The following FAT3 variants were observed in gnomAD, a reference collection of about 807,000 sequenced individuals.
FAT3 encodes FAT atypical cadherin 3.
In FAT3, 95 loss-of-function variants were observed where a neutral mutation model predicts 310.2. The ratio of observed to expected loss-of-function variants is 0.31; its 90% CI spans 0.26 to 0.36. The LOEUF (loss-of-function observed/expected upper bound fraction) is 0.36, where lower values mean the gene tolerates loss of function less well. FAT3 is among the 10% of genes least tolerant of loss of function. The probability of loss-of-function intolerance (pLI) is 1.00; values close to 1 mark genes in which losing one functional copy is unlikely to be tolerated. For missense variants in FAT3, 5,408 were observed against 5,715.6 expected (o/e 0.95, Z 1.74); for synonymous variants, 2,314 against 2,192.9 (o/e 1.06, Z -1.54).
At chr11:92,254,632 A>G (rs1467087081) in intron 1 of FAT3, among the ~76,000 whole-genome samples, 2 of 152,102 alleles carry the variant, frequency 1.3e-5, no homozygotes, top group Non-Finnish European at 2.9e-5. Context: ...TACCCTATGG[A>G]AATTTTACTC....
At chr11:92,784,248 C>T (rs1161743340) in intron 7 of FAT3, among the ~76,000 whole-genome samples, 2 of 152,204 alleles carry the variant, frequency 1.3e-5, no homozygotes, top group African/African-American at 4.8e-5. Flanking sequence ...AAAACAAGTA[C>T]AAGCTGATGT....
intron 3 of FAT3, among the ~76,000 whole-genome samples, chr11:92,628,023 C>G (rs182669312): frequency 2.0e-5 from 3 of 152,278 alleles, no homozygotes; most frequent in African/African-American, 7.2e-5. Flanking sequence ...CCACCATTTC[C>G]TCATTTGACA....
At chr11:92,746,187 A>G (rs2136040281) in intron 4 of FAT3, among the ~76,000 whole-genome samples, 1 of 152,356 alleles carries the variant, frequency 6.6e-6, no homozygotes, top group Non-Finnish European at 1.5e-5. Context: ...CATGCTGCTA[A>G]TAAAGGCGTA....
intron 3 of FAT3, among the ~76,000 whole-genome samples, chr11:92,637,063 A>G (rs2135717505): frequency 6.6e-6 from 1 of 152,312 alleles, no homozygotes; most frequent in South Asian, 2.1e-4. Flanking sequence ...CAGACCTTTA[A>G]TGAACAAATG....
At chr11:92,458,182 A>G (rs1458127470) in intron 2 of FAT3, among the ~76,000 whole-genome samples, 2 of 152,114 alleles carry the variant, frequency 1.3e-5, no homozygotes, top group South Asian at 2.1e-4. Flanking sequence ...CAGCTCAGTT[A>G]TTTTAAATAT....
chr11:92,266,556 G>T (rs7113237), intron 1 of FAT3, among the ~76,000 whole-genome samples: 1 of 151,988 alleles, frequency 6.6e-6, no homozygotes, highest in Admixed American at 6.6e-5. Flanking sequence ...GTTATATTAG[G>T]GAATTTAGTA....
chr11:92,584,484 C>A (rs1266738208), intron 3 of FAT3, among the ~76,000 whole-genome samples: 2 of 151,906 alleles, frequency 1.3e-5, no homozygotes, highest in Non-Finnish European at 2.9e-5. Context: ...TTTTTTCCCC[C>A]CCTTTTCATC....
intron 2 of FAT3, among the ~76,000 whole-genome samples, chr11:92,368,903 T>TATATATACACACAC (rs1949104050): frequency 1.3e-5 from 1 of 76,362 alleles, no homozygotes; most frequent in South Asian, 3.2e-4. Flanking sequence ...CACACACACA[T>TATATATACACACAC]ATATATATAC....
At chr11:92,567,788 A>C (rs895501298) in intron 3 of FAT3, among the ~76,000 whole-genome samples, 1 of 152,092 alleles carries the variant, frequency 6.6e-6, no homozygotes, top group Non-Finnish European at 1.5e-5. Context: ...TCGCAAGAGC[A>C]AAAAACCAAG....
intron 3 of FAT3, among the ~76,000 whole-genome samples, chr11:92,587,644 G>T (rs1939221517): frequency 6.6e-6 from 1 of 151,870 alleles, no homozygotes. Flanking sequence ...TGAGTTTATT[G>T]AATTCAGGCT....
In FAT3 at chr11:92,866,942, A is replaced by C; in HGVS notation, c.11860A>C (p.Ser3954Arg). ...PLYFQTLSTESSIYFGALVQA... is the reference protein window; with the variant it reads ...PLYFQTLSTERSIYFGALVQA... ...CTACTTCCAGACGCTGAGCACTGAG[A>C]GTAGCATCTACTTCGGCGCCCTGGT... is the stretch of plus-strand genomic sequence containing the variant. Residue 3954 changes from serine to arginine, a missense_variant, in exon 22 of 28, where the codon AGT becomes CGT. Coordinates refer to ENST00000525166, the MANE Select transcript of FAT3 (RefSeq NM_001367949.2). The C allele has an allele frequency of 6.2e-7, 1 of 1,613,728 alleles. No individual in the cohort carries two copies. Among genetic ancestry groups the C allele is most frequent in the Non-Finnish European group, 8.5e-7 (1 of 1,179,798 alleles).
chr11:92,759,624 G>C (rs536727886), intron 4 of FAT3, among the ~76,000 whole-genome samples: 1 of 152,148 alleles, frequency 6.6e-6, no homozygotes, highest in Non-Finnish European at 1.5e-5. Context: ...GGTGCTTGCA[G>C]TAACATGATG....
At chr11:92,288,960 G>A (rs1366455759) in intron 1 of FAT3, among the ~76,000 whole-genome samples, 1 of 152,078 alleles carries the variant, frequency 6.6e-6, no homozygotes, top group Non-Finnish European at 1.5e-5. Context: ...TTGTGAATGT[G>A]CTGACAACAC....
At chr11:92,407,041 C>G (rs935035454) in intron 2 of FAT3, among the ~76,000 whole-genome samples, 4 of 152,172 alleles carry the variant, frequency 2.6e-5, no homozygotes, top group African/African-American at 9.7e-5. Flanking sequence ...CTATGAGAGG[C>G]TAAACTTGTT....
chr11:92,449,010 T>C (rs12364792), intron 2 of FAT3, among the ~76,000 whole-genome samples: 17,203 of 152,150 alleles, frequency 0.11, 1,708 homozygotes, highest in African/African-American at 0.27. Context: ...GGGCCTCTTG[T>C]GTTGCCGATT....
chr11:92,371,266 A>T (rs1171596434), intron 2 of FAT3, among the ~76,000 whole-genome samples: 2 of 152,230 alleles, frequency 1.3e-5, no homozygotes, highest in East Asian at 3.9e-4. Context: ...CATATTATGG[A>T]TGAGAAACAA....
At chr11:92,877,278 G>A (rs1244012667) in intron 22 of FAT3, among the ~76,000 whole-genome samples, 1 of 152,200 alleles carries the variant, frequency 6.6e-6, no homozygotes, top group African/African-American at 2.4e-5. Flanking sequence ...TCTGAAGGGG[G>A]AGAGATGGGG....
chr11:92,579,919 A>G (rs1938696035), intron 3 of FAT3, among the ~76,000 whole-genome samples: 1 of 152,116 alleles, frequency 6.6e-6, no homozygotes, highest in South Asian at 2.1e-4. Flanking sequence ...CTCTCTGAAT[A>G]TTTAAAAATG....
chr11:92,636,431 C>T (rs968263668), intron 3 of FAT3, among the ~76,000 whole-genome samples: 9 of 152,208 alleles, frequency 5.9e-5, no homozygotes, highest in African/African-American at 2.2e-4. Context: ...CAGAGTTCTT[C>T]AGAAATTACA....
Sources: allele counts gnomAD v4.1 joint callset (sites outside exome capture counted in the v4.1 genomes callset), GRCh38; gene constraint gnomAD v4.1.1; transcripts MANE v1.5; gene names NCBI Gene and HGNC (gene_info 2026-07-23, HGNC 2026-07-21).